Variants in GUCY1A2 observed in about 807,000 individuals in gnomAD.
GUCY1A2 encodes guanylate cyclase 1 soluble subunit alpha 2.
A neutral mutation model predicts 63.5 loss-of-function variants in GUCY1A2; 27 were observed. The ratio of observed to expected loss-of-function variants is 0.43; its 90% CI spans 0.31 to 0.59. The LOEUF is 0.59. GUCY1A2 is among the 20% of genes least tolerant of loss of function. The pLI, the probability that GUCY1A2 is intolerant of heterozygous loss-of-function variation, is 0.11. For synonymous variants in GUCY1A2, 364 were observed against 343.5 expected (o/e 1.06, Z -0.66); for missense variants, 768 against 913.3 (o/e 0.84, Z 2.05).
intron 6 of GUCY1A2, among the ~76,000 whole-genome samples, chr11:106,732,093 A>C (rs537211438): frequency 9.2e-5 from 14 of 152,282 alleles, no homozygotes; most frequent in African/African-American, 3.4e-4. Flanking sequence ...TAGCCAAGGA[A>C]GTCCTAAGCA....
In GUCY1A2 at chr11:106,683,260, T is replaced by G. The variant is rs894490369; in HGVS notation, c.*4289A>C. The stretch of plus-strand genomic sequence containing the variant: ...TTGTAGCTGAAGGTCTATAATCTAA[T>G]AGTAGAAAAAACTAAGCTACGATAT... On this transcript the variant is annotated 3_prime_UTR_variant, in exon 8 of 8. Coordinates refer to ENST00000526355, the MANE Select transcript of GUCY1A2 (RefSeq NM_000855.3). 3 of 218,540 alleles carry G rather than the reference T, an allele frequency of 1.4e-5. No individual in the cohort carries two copies. Among genetic ancestry groups the G allele is most frequent in the African/African-American group, 6.7e-5 (3 of 44,534 alleles). The allele number at this position is 218,540 out of a possible 1,614,324, so 13.5% of individuals were successfully genotyped here.
intron 1 of GUCY1A2, among the ~76,000 whole-genome samples, chr11:106,999,307 T>C (rs1227579021): frequency 6.6e-6 from 1 of 152,128 alleles, no homozygotes; most frequent in African/African-American, 2.4e-5. Flanking sequence ...CCACTTAACA[T>C]TTTCGTAACC....
At chr11:106,711,055 T>C (rs1351605564) in intron 6 of GUCY1A2, among the ~76,000 whole-genome samples, 1 of 152,140 alleles carries the variant, frequency 6.6e-6, no homozygotes, top group Non-Finnish European at 1.5e-5. Flanking sequence ...CTAAAATTTA[T>C]TTGAAAATTC....
intron 4 of GUCY1A2, among the ~76,000 whole-genome samples, chr11:106,919,926 G>A (rs1307878485): frequency 6.6e-6 from 1 of 151,982 alleles, no homozygotes; most frequent in Non-Finnish European, 1.5e-5. Flanking sequence ...TACTCACAAG[G>A]ACAACTGTGA....
Position 106,991,897 on chromosome 11 carries a change from A to T in GUCY1A2, c.304-5766T>A, listed in dbSNP as rs577924275. ...ATGACTACCGTGTTTTACGCCAGGC[A>T]CTGCTTTAAGCCCTCTATGTATATG... On this transcript the variant is annotated intron_variant, in intron 1 of 7. Transcript: ENST00000526355. Among the ~76,000 whole-genome samples the T allele has an allele frequency of 4.6e-5, 7 of 152,342 alleles. 2 individuals carry two copies. Among genetic ancestry groups the T allele is most frequent in the African/African-American group, 1.7e-4 (7 of 41,588 alleles).
intron 2 of GUCY1A2, among the ~76,000 whole-genome samples, chr11:106,979,829 C>T (rs1861311640): frequency 6.6e-6 from 1 of 152,200 alleles, no homozygotes; most frequent in African/African-American, 2.4e-5. Context: ...CCCTGTCACT[C>T]TACCACCAGC....
rs555904850 is a variant in GUCY1A2, at chr11:106,742,952, A to G, written c.1836+33487T>C. Among the ~76,000 whole-genome samples, 15 of 152,280 alleles carry G rather than the reference A, an allele frequency of 9.9e-5. 1 individual carries two copies. The South Asian group carries it at 2.9e-3, about 29-fold the overall frequency. On this transcript the variant is annotated intron_variant, in intron 6 of 7. Coordinates refer to ENST00000526355, the MANE Select transcript of GUCY1A2 (RefSeq NM_000855.3). ...TGAGTCTTCTTTAGGTTTTGCTAAT[A>G]TGGAAAAGTATAAATATATTCTTTT... is the stretch of plus-strand genomic sequence containing the variant.
At chr11:106,830,600 T>C (rs2135436644) in intron 4 of GUCY1A2, among the ~76,000 whole-genome samples, 2 of 152,356 alleles carry the variant, frequency 1.3e-5, no homozygotes, top group Middle Eastern at 6.8e-3. Flanking sequence ...ATCTTTTTCC[T>C]GTGCTGGATG....
chr11:106,913,519 G>A (rs548915183), intron 4 of GUCY1A2, among the ~76,000 whole-genome samples: 1 of 152,186 alleles, frequency 6.6e-6, no homozygotes, highest in Admixed American at 6.5e-5. Flanking sequence ...CAGTCATGAA[G>A]GATCCAACGC....
intron 4 of GUCY1A2, among the ~76,000 whole-genome samples, chr11:106,927,869 G>A (rs1194980759): frequency 2.0e-5 from 3 of 152,110 alleles, no homozygotes; most frequent in Non-Finnish European, 4.4e-5. Flanking sequence ...ACCACGCCCG[G>A]CCTGGAATAA....
intron 6 of GUCY1A2, among the ~76,000 whole-genome samples, chr11:106,772,606 A>AATT (rs1379634758): frequency 9.2e-5 from 14 of 152,170 alleles, no homozygotes. Flanking sequence ...ATTTAATAAG[A>AATT]CTATCTGATT....
intron 5 of GUCY1A2, among the ~76,000 whole-genome samples, chr11:106,791,882 C>G (rs1313480272): frequency 6.6e-6 from 1 of 152,068 alleles, no homozygotes; most frequent in Non-Finnish European, 1.5e-5. Flanking sequence ...ACCAGAAGAG[C>G]TGGTACCATT....
At chr11:106,902,685 C>T (rs1372368539) in intron 4 of GUCY1A2, among the ~76,000 whole-genome samples, 1 of 152,182 alleles carries the variant, frequency 6.6e-6, no homozygotes, top group South Asian at 2.1e-4. Flanking sequence ...ACATCCAGAG[C>T]TTCAACCAAC....
chr11:106,752,066 T>C (rs1863890790), intron 6 of GUCY1A2, among the ~76,000 whole-genome samples: 2 of 152,306 alleles, frequency 1.3e-5, no homozygotes, highest in Middle Eastern at 3.4e-3. Context: ...ATATGTTAAA[T>C]ACCAACAGTA....
intron 6 of GUCY1A2, among the ~76,000 whole-genome samples, chr11:106,723,820 A>G (rs1345915811): frequency 6.6e-6 from 1 of 151,778 alleles, no homozygotes; most frequent in Non-Finnish European, 1.5e-5. Context: ...GCGAAACTCC[A>G]TCTCAAAAAA....
At chr11:106,986,013 T>C in intron 2 of GUCY1A2, 57 bp downstream of exon 2, 6 of 880,646 alleles carry the variant, frequency 6.8e-6, no homozygotes, top group South Asian at 4.0e-5. Context: ...AACAGCTATG[T>C]TTGAGTAATT....
At chr11:106,954,402 T>A (rs919232179) in intron 3 of GUCY1A2, among the ~76,000 whole-genome samples, 1 of 152,156 alleles carries the variant, frequency 6.6e-6, no homozygotes, top group Non-Finnish European at 1.5e-5. Context: ...TCTTTTGCAT[T>A]TGCTGAGGAG....
At chr11:106,785,499 A>G (rs901778) in intron 5 of GUCY1A2, among the ~76,000 whole-genome samples, 145,320 of 151,480 alleles carry the variant, frequency 0.96, 69,768 homozygotes, top group East Asian at 0.99. Flanking sequence ...GTGTGTGTGT[A>G]TGTTTATACT....
chr11:106,823,029 G>A (rs1422432390), intron 4 of GUCY1A2, among the ~76,000 whole-genome samples: 1 of 152,032 alleles, frequency 6.6e-6, no homozygotes, highest in African/African-American at 2.4e-5. Flanking sequence ...AGTGCTATGA[G>A]ATCAGAGAGA....
Sources: gnomAD v4.1 joint callset for allele counts (sites outside exome capture counted in the v4.1 genomes callset) on GRCh38, gnomAD v4.1.1 for gene constraint, MANE v1.5 for transcripts, NCBI Gene and HGNC (gene_info 2026-07-23, HGNC 2026-07-21) for gene names.